The following SNX30 variants were observed in gnomAD, a reference collection of about 807,000 sequenced individuals.
SNX30 encodes sorting nexin-30.
A neutral mutation model predicts 46.4 loss-of-function variants in SNX30; 24 were observed. The ratio of observed to expected loss-of-function variants is 0.52; its 90% CI spans 0.37 to 0.73. SNX30 has a LOEUF of 0.73. Among genes scored for constraint, SNX30 ranks in the 30% least tolerant of loss-of-function variants. SNX30 has a pLI of 0.00. For missense variants in SNX30, 533 were observed against 555.7 expected, an observed-to-expected ratio of 0.96 and a Z score of 0.41; for synonymous variants, 189 against 211.5, an observed-to-expected ratio of 0.89 and a Z score of 0.92.
chr9:112,864,052 G>A (rs1841279475), intron 7 of SNX30, among the ~76,000 whole-genome samples, 195 bp from the exon 8 acceptor site: 1 of 152,210 alleles, frequency 6.6e-6, no homozygotes, highest in African/African-American at 2.4e-5. Flanking sequence ...GGTTAGGAGA[G>A]CCCCTTTTCA....
chr9:112,883,308 C>A (rs1487391010), downstream of SNX30, among the ~76,000 whole-genome samples: 3 of 152,108 alleles, frequency 2.0e-5, no homozygotes, highest in Non-Finnish European at 4.4e-5. Context: ...GTGGAATGAG[C>A]TTTCTCAGGA....
At chr9:112,796,213 T>G (rs1041667965) in intron 1 of SNX30, among the ~76,000 whole-genome samples, 1 of 152,200 alleles carries the variant, frequency 6.6e-6, no homozygotes, top group African/African-American at 2.4e-5. Context: ...TTCTTTTTCT[T>G]TTGTGCAGTG....
At chr9:112,759,126 A>G (rs929563962) in intron 1 of SNX30, among the ~76,000 whole-genome samples, 1 of 151,980 alleles carries the variant, frequency 6.6e-6, no homozygotes, top group Non-Finnish European at 1.5e-5. Flanking sequence ...TCAACTTCCC[A>G]AAATGCTTGG....
intron 5 of SNX30, among the ~76,000 whole-genome samples, chr9:112,836,716 A>G (rs1218178533): frequency 6.6e-6 from 1 of 152,218 alleles, no homozygotes; most frequent in Non-Finnish European, 1.5e-5. Context: ...CATAGACTCA[A>G]CTGCCCTTCA....
At chr9:112,765,278 C>T (rs1324081514) in intron 1 of SNX30, among the ~76,000 whole-genome samples, 2 of 152,150 alleles carry the variant, frequency 1.3e-5, no homozygotes, top group African/African-American at 2.4e-5. Context: ...GGCATGTATG[C>T]CTTTTACAAA....
intron 1 of SNX30, among the ~76,000 whole-genome samples, chr9:112,790,623 T>G (rs56214533): frequency 6.6e-6 from 1 of 152,344 alleles, no homozygotes; most frequent in Non-Finnish European, 1.5e-5. Flanking sequence ...TGGGGATGTG[T>G]CTTCCTGTGG....
downstream of SNX30, among the ~76,000 whole-genome samples, chr9:112,876,853 T>C (rs978789100): frequency 3.3e-5 from 5 of 151,874 alleles, no homozygotes; most frequent in African/African-American, 9.7e-5. Flanking sequence ...GGAGAATTGC[T>C]TGAACTCTGG....
At chr9:112,834,512 T>C (rs993467703) in intron 4 of SNX30, among the ~76,000 whole-genome samples, 3 of 152,108 alleles carry the variant, frequency 2.0e-5, no homozygotes, top group African/African-American at 7.2e-5. Context: ...GGAAGGGGCG[T>C]GGAACTTCCA....
At position 112,868,903 on chromosome 9, in the gene SNX30, A is replaced by G; in HGVS notation, c.*60A>G. ...ACAGGGCCTGGCACCCTATACCGGA[A>G]TGTCCCTGCAGTGCCAGAGACGCAG... On this transcript the variant is annotated 3_prime_UTR_variant, in exon 9 of 9. Transcript: ENST00000374232. The G allele has an allele frequency of 6.5e-7, 1 of 1,527,982 alleles. No homozygotes were observed. The highest frequency in any genetic ancestry group is 9.1e-7 in the Non-Finnish European group (1 of 1,101,926). The allele number at this position is 1,527,982 out of a possible 1,614,324, so 94.7% of individuals were successfully genotyped here.
chr9:112,768,932 G>A (rs1329652052), intron 1 of SNX30, among the ~76,000 whole-genome samples: 1 of 152,112 alleles, frequency 6.6e-6, no homozygotes, highest in Non-Finnish European at 1.5e-5. Flanking sequence ...TGGGACTACA[G>A]GCGTGAGCCA....
intron 4 of SNX30, among the ~76,000 whole-genome samples, chr9:112,833,835 G>A (rs529762649): frequency 6.6e-6 from 1 of 152,310 alleles, no homozygotes; most frequent in African/African-American, 2.4e-5. Context: ...TTCTTGTCTA[G>A]AATGTGGGAG....
At chr9:112,768,529 A>G (rs1371810753) in intron 1 of SNX30, among the ~76,000 whole-genome samples, 1 of 152,122 alleles carries the variant, frequency 6.6e-6, no homozygotes, top group South Asian at 2.1e-4. Flanking sequence ...AGATCCTCCA[A>G]AGATCTCTTA....
intron 1 of SNX30, among the ~76,000 whole-genome samples, chr9:112,756,247 C>T (rs1305551426): frequency 1.3e-5 from 2 of 151,898 alleles, no homozygotes; most frequent in African/African-American, 4.8e-5. Context: ...CACTACAGAC[C>T]TTCCAATACT....
At chr9:112,797,595 C>T (rs1008086444) in intron 1 of SNX30, among the ~76,000 whole-genome samples, 1 of 151,974 alleles carries the variant, frequency 6.6e-6, no homozygotes, top group African/African-American at 2.4e-5. Flanking sequence ...TCAAATTTCC[C>T]TAAATATCTC....
chr9:112,881,810 T>G (rs1841581290), downstream of SNX30: 1 of 152,224 alleles, frequency 6.6e-6, no homozygotes, highest in African/African-American at 2.4e-5. Context: ...TCATCATCAC[T>G]GCATTCTACC....
chr9:112,846,720 G>C (rs1840944859), intron 6 of SNX30, among the ~76,000 whole-genome samples: 1 of 152,140 alleles, frequency 6.6e-6, no homozygotes, highest in South Asian at 2.1e-4. Context: ...GTTCTCTGTG[G>C]GGGGTGAGCT....
Position 112,827,880 on chromosome 9 carries a change from C to A in SNX30, c.460-2845C>A, listed in dbSNP as rs146277826. ...AAAAGCATGTGATTGTCCTGATAGA[C>A]CTGCTTGGCCAACGTTGTCTTGGTT... On this transcript the variant is annotated intron_variant, in intron 3 of 8. Transcript: ENST00000374232. 1.3e-3 allele frequency among the ~76,000 whole-genome samples: 199 copies of A among 152,302 alleles called. 1 individual carries two copies. Among genetic ancestry groups the A allele is most frequent in the Middle Eastern group, 0.01 (3 of 294 alleles).
intron 1 of SNX30, among the ~76,000 whole-genome samples, chr9:112,751,578 G>A (rs989578284): frequency 6.6e-6 from 1 of 152,208 alleles, no homozygotes; most frequent in African/African-American, 2.4e-5. Flanking sequence ...GGCTTTCCGT[G>A]CTGGGACCGG....
chr9:112,851,703 T>C (rs909619916), intron 7 of SNX30, among the ~76,000 whole-genome samples: 11 of 152,232 alleles, frequency 7.2e-5, no homozygotes, highest in African/African-American at 2.2e-4. Context: ...TTTACTGTTA[T>C]TCAAATCATT....
Sources: gnomAD v4.1 joint callset for allele counts (sites outside exome capture counted in the v4.1 genomes callset) on GRCh38, gnomAD v4.1.1 for gene constraint, MANE v1.5 for transcripts, NCBI Gene and HGNC (gene_info 2026-07-23, HGNC 2026-07-21) for gene names.